The following TRAF6 variants were observed in gnomAD, a reference collection of about 807,000 sequenced individuals.
TRAF6 encodes the protein TNF receptor-associated factor 6.
Under a neutral mutation model 48.4 loss-of-function variants are expected in TRAF6, and 10 were observed. The ratio of observed to expected loss-of-function variants is 0.21; its 90% CI spans 0.13 to 0.35. The LOEUF (loss-of-function observed/expected upper bound fraction) is 0.35. Among genes scored for constraint, TRAF6 ranks in the 10% least tolerant of loss-of-function variants. The pLI is 1.00. For missense variants in TRAF6, 397 were observed against 661.0 expected, an observed-to-expected ratio of 0.60 and a Z score of 4.38; for synonymous variants, 186 against 219.6, an observed-to-expected ratio of 0.85 and a Z score of 1.35.
In TRAF6 at chr11:36,501,463, T is replaced by C. The variant is rs1859715043; in HGVS notation, c.53A>G (p.Asp18Gly). The C allele has an allele frequency of 6.2e-7, 1 of 1,613,940 alleles. No homozygotes were observed. Among genetic ancestry groups the C allele is most frequent in the Non-Finnish European group, 8.5e-7 (1 of 1,179,968 alleles). ...GGAGCTGGCCATGGCCACACAGCAG[T>C]CACTTTCAGACTGGCTGGATCCACA... ...NSCGSSQSES[D>G]CCVAMASSCS... The change falls in exon 2 of 7, where the codon GAC becomes GGC. Residue 18 changes from aspartate to glycine, a missense_variant. Physicochemically the swap from Asp to Gly is moderately conservative, Grantham distance 94 (BLOSUM62 -1). Around this residue, in one of 4 missense-constraint regions of TRAF6, gnomAD observed 73 missense variants for 87.3 expected, o/e 0.84. Transcript: ENST00000526995.
rs556708542 is a variant in TRAF6 at position 36,489,310 on chromosome 11, C to T, written c.*528G>A. On this transcript the variant is annotated 3_prime_UTR_variant, in exon 7 of 7. Transcript: ENST00000526995. ...GGGGTGAATGAGAACTTAAGTTTTC[C>T]AAGGATTATGGTTCAAATCCTCTGA... 7 of 153,388 alleles carry T rather than the reference C, an allele frequency of 4.6e-5. No homozygotes were observed. In the South Asian group the frequency reaches 8.2e-4, roughly 18 times the overall value. The allele number at this position is 153,388 out of a possible 1,614,324, so 9.5% of individuals were successfully genotyped here.
chr11:36,492,203 C>T (rs1859573173), intron 6 of TRAF6, among the ~76,000 whole-genome samples: 1 of 152,216 alleles, frequency 6.6e-6, no homozygotes, highest in Admixed American at 6.5e-5. Context: ...CACCTCAAAT[C>T]ATCTACATTG....
chr11:36,503,316 A>G, intron 1 of TRAF6, among the ~76,000 whole-genome samples: 1 of 146,766 alleles, frequency 6.8e-6, no homozygotes, highest in African/African-American at 2.6e-5. Flanking sequence ...TTTTTTTGAG[A>G]CAGAGTCTCA....
chr11:36,508,320 T>G (rs1859836345), intron 1 of TRAF6, among the ~76,000 whole-genome samples: 1 of 151,936 alleles, frequency 6.6e-6, no homozygotes, highest in Admixed American at 6.6e-5. Flanking sequence ...CCTTAAAGAT[T>G]GTGGAACGTT....
At chr11:36,500,922 ATTTTC>A (rs1408565667) in intron 2 of TRAF6, among the ~76,000 whole-genome samples, 3 of 151,978 alleles carry the variant, frequency 2.0e-5, no homozygotes, top group Non-Finnish European at 4.4e-5. Flanking sequence ...AAAAAATACT[ATTTTC>A]TTTAAAGCAT....
intron 2 of TRAF6, 126 bp downstream of exon 2, chr11:36,501,094 T>G: frequency 4.3e-6 from 4 of 921,492 alleles, no homozygotes; most frequent in Non-Finnish European, 6.2e-6. Context: ...TTTCTGTCCA[T>G]TGTTCTTTTT....
At chr11:36,494,262 T>A (rs1007541640) in intron 5 of TRAF6, among the ~76,000 whole-genome samples, 19 of 152,028 alleles carry the variant, frequency 1.2e-4, no homozygotes, top group African/African-American at 4.6e-4. Flanking sequence ...TAGTCCCAGC[T>A]CTTTGGGAGG....
intron 3 of TRAF6, among the ~76,000 whole-genome samples, chr11:36,497,884 ATTTTT>A (rs796280710): frequency 2.9e-5 from 4 of 137,962 alleles, no homozygotes; most frequent in Non-Finnish European, 1.6e-5. Context: ...TGACACTTGT[ATTTTT>A]TTTTTTTTTT....
Position 36,487,882 on chromosome 11 carries a change from T to C in TRAF6, c.*1956A>G, listed in dbSNP as rs1859507187. Reference sequence around the variant, plus strand: ...TTGAGCTGGGGGCGTGGAGATTAAATGTTTTGTGGCAACATTTAATTTTTT... The same window carrying C: ...TTGAGCTGGGGGCGTGGAGATTAAACGTTTTGTGGCAACATTTAATTTTTT... On this transcript the variant is annotated 3_prime_UTR_variant, in exon 7 of 7. Transcript: ENST00000526995. 1 of 152,192 alleles carries C rather than the reference T, an allele frequency of 6.6e-6. No individual in the cohort carries two copies. The allele number at this position is 152,192 out of a possible 1,614,324, so 9.4% of individuals were successfully genotyped here.
intron 5 of TRAF6, among the ~76,000 whole-genome samples, chr11:36,494,181 A>G (rs1448774385): frequency 6.6e-6 from 1 of 152,136 alleles, no homozygotes; most frequent in Non-Finnish European, 1.5e-5. Flanking sequence ...TCTAGGCAAT[A>G]TAACAAGACC....
At position 36,487,784 on chromosome 11, in the gene TRAF6, C is replaced by T. The variant is rs1590631948; in HGVS notation, c.*2054G>A. 6.6e-6 allele frequency: 1 copy of T among 152,140 alleles called. No homozygotes were observed. Among genetic ancestry groups the T allele is most frequent in the South Asian group, 2.1e-4 (1 of 4,826 alleles). The allele number at this position is 152,140 out of a possible 1,614,324, so 9.4% of individuals were successfully genotyped here. A position where few individuals can be genotyped will look rare whatever the true frequency, so the allele number is the denominator to read the frequency against. On this transcript the variant is annotated 3_prime_UTR_variant, in exon 7 of 7. Coordinates refer to ENST00000526995, the MANE Select transcript of TRAF6 (RefSeq NM_004620.4). ...ATCACCAAGGCAGGAAATGACTCCTCTTTGTATCTAATGCACAGCCAGTGC... is the reference window on the plus strand; with the variant it reads ...ATCACCAAGGCAGGAAATGACTCCTTTTTGTATCTAATGCACAGCCAGTGC...
chr11:36,498,751 C>A, intron 2 of TRAF6, 111 bp from the exon 3 acceptor site: 1 of 1,151,286 alleles, frequency 8.7e-7, no homozygotes, highest in Non-Finnish European at 1.2e-6. Flanking sequence ...TAAGTAAAAA[C>A]AATTTAACAT....
chr11:36,501,549 G>A lies in TRAF6; in HGVS notation c.-22-12C>T, dbSNP rs758755100. The A allele has an allele frequency of 1.9e-5, 29 of 1,540,930 alleles. No homozygotes were observed. The Admixed American group carries it at 2.0e-4, about 11-fold the overall frequency. On this transcript the variant is annotated splice_polypyrimidine_tract_variant and intron_variant, in intron 1 of 6. Coordinates refer to ENST00000526995, the MANE Select transcript of TRAF6 (RefSeq NM_004620.4). ...GATTATCACTTGCTCTGTAGAAATA[G>A]CAAGAAAAAAATGCCTTTATAAGTA... is the stretch of plus-strand genomic sequence containing the variant.
chr11:36,503,962 T>C (rs1472991496), intron 1 of TRAF6, among the ~76,000 whole-genome samples: 1 of 152,250 alleles, frequency 6.6e-6, no homozygotes, highest in Non-Finnish European at 1.5e-5. Flanking sequence ...ATGTTTACAC[T>C]ATACAGTAGT....
At position 36,489,504 on chromosome 11, in the gene TRAF6, C is replaced by CT; in HGVS notation, c.*333dup. 3.9e-6 allele frequency: 1 copy of CT among 256,050 alleles called. No homozygotes were observed. Among genetic ancestry groups the CT allele is most frequent in the South Asian group, 8.7e-5 (1 of 11,558 alleles). 15.9% of individuals were successfully genotyped at this position (256,050 alleles called of 1,614,324 possible). A position where few individuals can be genotyped will look rare whatever the true frequency, so the allele number is the denominator to read the frequency against. ...CCATTATTATTAAAAGTTTAGTACTCTTGAGTCTGGACTTTCTGACAATAA... is the reference window on the plus strand; with the variant it reads ...CCATTATTATTAAAAGTTTAGTACTCTTTGAGTCTGGACTTTCTGACAATAA... On this transcript the variant is annotated 3_prime_UTR_variant, in exon 7 of 7. Coordinates refer to ENST00000526995, the MANE Select transcript of TRAF6 (RefSeq NM_004620.4).
In TRAF6 at chr11:36,485,358, G is replaced by A. The variant is rs189464979; in HGVS notation, c.*4480C>T. 6.6e-6 allele frequency among the ~76,000 whole-genome samples: 1 copy of A among 152,120 alleles called. No homozygotes were observed. The highest frequency in any genetic ancestry group is 1.5e-5 in the Non-Finnish European group (1 of 68,038). On this transcript the variant is annotated 3_prime_UTR_variant, in exon 7 of 7. Transcript: ENST00000526995. ...CGTGCCAGGCACTGTGGTAAGAAGA[G>A]GGGATTCAGCAGCAACCAGAACACA...
At position 36,502,898 on chromosome 11, in the gene TRAF6, T is replaced by C. The variant is rs1451809926; in HGVS notation, c.-22-1361A>G. Among the ~76,000 whole-genome samples the C allele has an allele frequency of 7.9e-5, 12 of 152,334 alleles. No individual in the cohort carries two copies. The East Asian group carries it at 2.3e-3, about 29-fold the overall frequency. ...TGAGAAGATTAAATGTGTTAATATG[T>C]GCAAAGCACTTAGAACAGTGCCAGG... On this transcript the variant is annotated intron_variant, in intron 1 of 6. Transcript: ENST00000526995.
At chr11:36,495,293 T>C (rs1859615271) in intron 4 of TRAF6, among the ~76,000 whole-genome samples, 2 of 152,216 alleles carry the variant, frequency 1.3e-5, no homozygotes, top group Non-Finnish European at 2.9e-5. Flanking sequence ...AAAATAATTT[T>C]TCAAATCCCT....
chr11:36,496,261 G>C (rs1453297737), intron 4 of TRAF6: 2 of 152,012 alleles, frequency 1.3e-5, no homozygotes, highest in African/African-American at 4.8e-5. Context: ...ATGCTGTTAG[G>C]CACTACCAAG....
Sources: gnomAD v4.1 joint callset for allele counts (sites outside exome capture counted in the v4.1 genomes callset) on GRCh38, gnomAD v4.1.1 for gene constraint, gnomAD v4.1.1 regional missense constraint, MANE v1.5 for transcripts, NCBI Gene and HGNC (gene_info 2026-07-23, HGNC 2026-07-21) for gene names.